The following TMEM164 variants were observed in gnomAD, a reference collection of about 807,000 sequenced individuals.
TMEM164 encodes RP13-360B22.2.
A neutral mutation model predicts 18.8 loss-of-function variants in TMEM164; 4 were observed. That is an observed-to-expected ratio of 0.21 (90% CI 0.10 to 0.49). The LOEUF (loss-of-function observed/expected upper bound fraction) is 0.49, where lower values mean the gene tolerates loss of function less well. Among genes scored for constraint, TMEM164 ranks in the 20% least tolerant of loss-of-function variants. TMEM164 has a pLI of 0.98. For synonymous variants in TMEM164, 86 were observed against 101.7 expected, an observed-to-expected ratio of 0.85 and a Z score of 0.93; for missense variants, 108 against 239.9, an observed-to-expected ratio of 0.45 and a Z score of 3.63.
intron 4 of TMEM164, among the ~76,000 whole-genome samples, chrX:110,134,932 A>G (rs1252823509): frequency 9.0e-6 from 1 of 111,705 alleles, no homozygotes; most frequent in Non-Finnish European, 1.9e-5. Flanking sequence ...AATGTAACAT[A>G]AAAGTTCCCA....
intron 2 of TMEM164, among the ~76,000 whole-genome samples, chrX:110,009,272 T>C (rs1932894837): frequency 8.9e-6 from 1 of 111,969 alleles, no homozygotes; most frequent in Admixed American, 9.4e-5. Flanking sequence ...CCTCCCCCTC[T>C]GTAAATACTC....
intron 4 of TMEM164, among the ~76,000 whole-genome samples, chrX:110,141,168 A>G (rs988173003): frequency 2.7e-5 from 3 of 111,136 alleles, no homozygotes; most frequent in Non-Finnish European, 3.8e-5. Context: ...AACAAAAACA[A>G]AAACTTTTTC....
chrX:110,170,516 G>C (rs1313048516), intron 5 of TMEM164, among the ~76,000 whole-genome samples: 1 of 111,438 alleles, frequency 9.0e-6, no homozygotes, highest in Non-Finnish European at 1.9e-5. Flanking sequence ...TTGGGGTGGG[G>C]GTTCCAGGTC....
intron 2 of TMEM164, among the ~76,000 whole-genome samples, chrX:110,051,897 C>T (rs1269852052): frequency 1.8e-5 from 2 of 112,102 alleles, no homozygotes; most frequent in African/African-American, 6.5e-5. Context: ...ATAAAAGCAA[C>T]AGATGTTCAT....
intron 2 of TMEM164, among the ~76,000 whole-genome samples, chrX:110,012,478 T>C (rs1933063156): frequency 8.9e-6 from 1 of 111,793 alleles, no homozygotes; most frequent in South Asian, 3.8e-4. Flanking sequence ...TACCCTAACA[T>C]TATATCTAAT....
chrX:110,022,542 T>C (rs1933949484), intron 2 of TMEM164, among the ~76,000 whole-genome samples: 1 of 111,461 alleles, frequency 9.0e-6, no homozygotes, highest in African/African-American at 3.3e-5. Context: ...TGTTTCTTTG[T>C]GCAATGCTTC....
Position 110,083,146 on chromosome X carries a change from G to A in TMEM164, c.440+15750G>A, listed in dbSNP as rs544828434. Among the ~76,000 whole-genome samples, 3 of 111,099 alleles carry A rather than the reference G, an allele frequency of 2.7e-5. No individual in the cohort carries two copies. In the South Asian group the frequency reaches 1.1e-3, roughly 42 times the overall value. On this transcript the variant is annotated intron_variant, in intron 3 of 6. Coordinates refer to ENST00000372068, the MANE Select transcript of TMEM164 (RefSeq NM_032227.4). ...CTTCCATTGCTTTTACACTTGAAAA[G>A]ACATTTCCCATTCTAAGGTTAGAAT...
At chrX:110,155,027 T>C (rs1458151719) in intron 5 of TMEM164, among the ~76,000 whole-genome samples, 1 of 111,905 alleles carries the variant, frequency 8.9e-6, no homozygotes, top group African/African-American at 3.3e-5. Flanking sequence ...GTATAATTAT[T>C]AATTACCCAC....
At chrX:110,169,390 TC>T (rs1398758586) in intron 5 of TMEM164, among the ~76,000 whole-genome samples, 1 of 111,267 alleles carries the variant, frequency 9.0e-6, no homozygotes, top group African/African-American at 3.3e-5. Flanking sequence ...ATGGTGATTT[TC>T]CCCCCACTCT....
At position 110,088,589 on chromosome X, in the gene TMEM164, A is replaced by G. The variant is rs918735663; in HGVS notation, c.441-20491A>G. ...CTCTTTTTTATTCAGAATGCTGCTC[A>G]GGTATCTGCTTTCCTAGGAGCCACC... On this transcript the variant is annotated intron_variant, in intron 3 of 6. Coordinates refer to ENST00000372068, the MANE Select transcript of TMEM164 (RefSeq NM_032227.4). 1.8e-5 allele frequency among the ~76,000 whole-genome samples: 2 copies of G among 112,150 alleles called. 1 individual carries two copies. The highest frequency in any genetic ancestry group is 3.8e-5 in the Non-Finnish European group (2 of 53,258).
At chrX:110,035,342 C>T (rs565697410) in intron 2 of TMEM164, among the ~76,000 whole-genome samples, 1 of 110,683 alleles carries the variant, frequency 9.0e-6, no homozygotes, top group East Asian at 2.8e-4. Context: ...ATTTTACATG[C>T]TTGTGTCTAT....
At chrX:110,078,767 C>T (rs770638513) in intron 3 of TMEM164, among the ~76,000 whole-genome samples, 4 of 111,516 alleles carry the variant, frequency 3.6e-5, no homozygotes, top group African/African-American at 1.3e-4. Flanking sequence ...TGCAGTGAGC[C>T]GAGATTGTGC....
intron 3 of TMEM164, among the ~76,000 whole-genome samples, chrX:110,095,996 A>G (rs992038216): frequency 8.0e-5 from 9 of 112,358 alleles, no homozygotes; most frequent in Admixed American, 7.5e-4. Flanking sequence ...AGGCTGCAGA[A>G]CAGCAAATAT....
intron 6 of TMEM164, 122 bp downstream of exon 6, chrX:110,171,642 G>A: frequency 1.6e-6 from 1 of 611,397 alleles, no homozygotes; most frequent in African/African-American, 2.2e-5. Context: ...AGGCCAGGAT[G>A]TCAGATTGTT....
chrX:110,137,257 C>G (rs776835263), intron 4 of TMEM164, among the ~76,000 whole-genome samples: 4 of 111,326 alleles, frequency 3.6e-5, no homozygotes, highest in Non-Finnish European at 7.5e-5. Flanking sequence ...CAGCATGGCC[C>G]CAGCTTCTTT....
Position 110,174,755 on chromosome X carries a change from C to G in TMEM164, c.*1304C>G, listed in dbSNP as rs2067271562. 8.9e-6 allele frequency: 1 copy of G among 111,764 alleles called. No individual in the cohort carries two copies. Among genetic ancestry groups the G allele is most frequent in the Non-Finnish European group, 1.9e-5 (1 of 53,085 alleles). 9.2% of individuals were successfully genotyped at this position (111,764 alleles called of 1,213,427 possible). A position where few individuals can be genotyped will look rare whatever the true frequency, so the allele number is the denominator to read the frequency against. Reference sequence around the variant, plus strand: ...AGCTCAGTTATGCACGGACCTCAAGCAGGCAGGAAGTGGCTGGGCATTGCT... The same window carrying G: ...AGCTCAGTTATGCACGGACCTCAAGGAGGCAGGAAGTGGCTGGGCATTGCT... On this transcript the variant is annotated 3_prime_UTR_variant, in exon 7 of 7. Coordinates refer to ENST00000372068, the MANE Select transcript of TMEM164 (RefSeq NM_032227.4).
intron 2 of TMEM164, among the ~76,000 whole-genome samples, chrX:110,028,451 A>G (rs909087091): frequency 1.8e-5 from 2 of 111,689 alleles, no homozygotes; most frequent in East Asian, 5.6e-4. Flanking sequence ...TAGCTTATTT[A>G]TTTTTAGACT....
intron 5 of TMEM164, among the ~76,000 whole-genome samples, chrX:110,167,100 C>T (rs190970878): frequency 8.9e-6 from 1 of 112,326 alleles, no homozygotes; most frequent in East Asian, 2.8e-4. Context: ...GAAGATGCCC[C>T]ATCATCTTCT....
intron 2 of TMEM164, among the ~76,000 whole-genome samples, chrX:110,043,200 A>C (rs752052075): frequency 1.4e-4 from 16 of 112,992 alleles, no homozygotes; most frequent in Non-Finnish European, 2.2e-4. Context: ...TAAAACTAAC[A>C]CAGAGGCATA....
Sources: allele counts gnomAD v4.1 joint callset (sites outside exome capture counted in the v4.1 genomes callset), GRCh38; gene constraint gnomAD v4.1.1; transcripts MANE v1.5; gene names NCBI Gene and HGNC (gene_info 2026-07-23, HGNC 2026-07-21).